Variants in NRXN1 observed in about 807,000 individuals in gnomAD.
NRXN1 encodes the protein neurexin 1.
Under a neutral mutation model 150.9 loss-of-function variants are expected in NRXN1, and 39 were observed. The ratio of observed to expected loss-of-function variants is 0.26; its 90% CI spans 0.20 to 0.34. The LOEUF is 0.34. NRXN1 is among the 10% of genes least tolerant of loss of function. The probability of loss-of-function intolerance (pLI) is 1.00; values close to 1 mark genes in which losing one functional copy is unlikely to be tolerated. For missense variants in NRXN1, 1,815 were observed against 1,949.9 expected, an observed-to-expected ratio of 0.93 and a Z score of 1.30; for synonymous variants, 924 against 757.0, an observed-to-expected ratio of 1.22 and a Z score of -3.62.
chr2:50,704,613 C>A (rs1286836035), intron 5 of NRXN1, among the ~76,000 whole-genome samples: 1 of 149,840 alleles, frequency 6.7e-6, no homozygotes, highest in East Asian at 2.0e-4. Context: ...CATTGTTAGT[C>A]TTCAGGATTT....
intron 17 of NRXN1, among the ~76,000 whole-genome samples, chr2:50,360,278 A>T (rs2079095290): frequency 6.6e-6 from 1 of 152,234 alleles, no homozygotes; most frequent in South Asian, 2.1e-4. Flanking sequence ...CCTTAAATGT[A>T]AATGGGCCAA....
intron 18 of NRXN1, among the ~76,000 whole-genome samples, chr2:50,222,410 T>C (rs754932715): frequency 2.0e-5 from 3 of 152,004 alleles, no homozygotes; most frequent in Non-Finnish European, 4.4e-5. Context: ...CAATTTGCTT[T>C]TATATGAAAA....
chr2:50,222,263 A>G (rs892201527), intron 18 of NRXN1, among the ~76,000 whole-genome samples: 107 of 152,004 alleles, frequency 7.0e-4, no homozygotes, highest in African/African-American at 2.5e-3. Context: ...AATAGGGGAA[A>G]GTTTGTGACT....
intron 17 of NRXN1, among the ~76,000 whole-genome samples, chr2:50,354,888 T>C (rs183458899): frequency 2.0e-5 from 3 of 152,092 alleles, no homozygotes; most frequent in African/African-American, 7.2e-5. Flanking sequence ...CTGTCTGTCA[T>C]ACACATCTAC....
At chr2:49,938,840 C>G (rs1022670902) in intron 22 of NRXN1, among the ~76,000 whole-genome samples, 4 of 152,106 alleles carry the variant, frequency 2.6e-5, no homozygotes, top group African/African-American at 7.2e-5. Flanking sequence ...CAACATAAAA[C>G]TCACCTTTTT....
rs561370831 is a variant in NRXN1 at position 50,496,442 on chromosome 2, G to A, written c.2880-347C>T. The stretch of plus-strand genomic sequence containing the variant: ...AACACTTAAAATGGCCATTCTTCTC[G>A]TTCTTGCACTTGCTTTTCTCCTCTA... On this transcript the variant is annotated intron_variant, in intron 14 of 22. Transcript: ENST00000401669. 1.2e-3 allele frequency among the ~76,000 whole-genome samples: 180 copies of A among 152,110 alleles called. 1 individual carries two copies. Among genetic ancestry groups the A allele is most frequent in the Middle Eastern group, 6.8e-3 (2 of 294 alleles).
intron 17 of NRXN1, among the ~76,000 whole-genome samples, chr2:50,266,096 T>C (rs1052312237): frequency 9.3e-5 from 14 of 150,106 alleles, no homozygotes; most frequent in African/African-American, 3.4e-4. Flanking sequence ...CCTCCTGGGT[T>C]CAACCGACTC....
chr2:50,414,021 C>A (rs562316211), intron 17 of NRXN1, among the ~76,000 whole-genome samples: 6 of 122,828 alleles, frequency 4.9e-5, no homozygotes, highest in African/African-American at 2.0e-4. Context: ...AGAATGGTTA[C>A]CAGAGGCTGG....
At chr2:49,986,083 T>C (rs1680854143) in intron 21 of NRXN1, among the ~76,000 whole-genome samples, 1 of 152,196 alleles carries the variant, frequency 6.6e-6, no homozygotes, top group Non-Finnish European at 1.5e-5. Flanking sequence ...CCTAAAAGAA[T>C]GTTAACTTAA....
intron 5 of NRXN1, among the ~76,000 whole-genome samples, chr2:50,633,435 G>A (rs746385439): frequency 9.2e-5 from 14 of 152,022 alleles, no homozygotes; most frequent in Non-Finnish European, 2.1e-4. Context: ...AATCATGCTG[G>A]ATGGGAAGAA....
At chr2:50,012,421 T>C (rs561228153) in intron 21 of NRXN1, among the ~76,000 whole-genome samples, 3 of 152,236 alleles carry the variant, frequency 2.0e-5, no homozygotes, top group South Asian at 4.1e-4. Flanking sequence ...TCATACAAAA[T>C]ATTAGTCATG....
intron 18 of NRXN1, among the ~76,000 whole-genome samples, chr2:50,180,191 TA>T (rs546943097): frequency 2.3e-4 from 34 of 148,870 alleles, no homozygotes; most frequent in East Asian, 6.0e-4. Context: ...CTGGCTAATT[TA>T]AAAAAAAAAA....
intron 17 of NRXN1, among the ~76,000 whole-genome samples, chr2:50,292,938 A>T (rs1428263357): frequency 6.6e-6 from 1 of 152,196 alleles, no homozygotes; most frequent in African/African-American, 2.4e-5. Context: ...ATAGATGGCG[A>T]CCTCAATAAA....
intron 17 of NRXN1, among the ~76,000 whole-genome samples, chr2:50,375,826 T>C (rs1400149229): frequency 3.3e-5 from 5 of 151,852 alleles, no homozygotes; most frequent in African/African-American, 1.2e-4. Context: ...GAAAGGTTGA[T>C]CTAAGGGTAC....
At chr2:50,978,301 T>TATATATATATATATATAA (rs1696233419) in intron 2 of NRXN1, among the ~76,000 whole-genome samples, 2 of 122,510 alleles carry the variant, frequency 1.6e-5, no homozygotes, top group African/African-American at 2.9e-5. Context: ...TATATATATA[T>TATATATATATATATATAA]ATATAAAATA....
intron 5 of NRXN1, among the ~76,000 whole-genome samples, chr2:50,724,757 C>T (rs541719950): frequency 6.6e-6 from 1 of 152,170 alleles, no homozygotes; most frequent in South Asian, 2.1e-4. Context: ...AAAAAGAATA[C>T]ATATGTGTGT....
chr2:50,663,900 T>A (rs972051137), intron 5 of NRXN1, among the ~76,000 whole-genome samples: 1 of 152,062 alleles, frequency 6.6e-6, no homozygotes, highest in South Asian at 2.1e-4. Context: ...TGAAAATACC[T>A]AGAACCTATT....
intron 21 of NRXN1, among the ~76,000 whole-genome samples, chr2:50,038,066 A>T (rs1690318600): frequency 6.6e-6 from 1 of 152,230 alleles, no homozygotes; most frequent in Non-Finnish European, 1.5e-5. Context: ...AGAAAAAGGA[A>T]CAGCTTAGAA....
Position 49,973,476 on chromosome 2 carries a change from T to C in NRXN1, c.4129-29685A>G, listed in dbSNP as rs1385470951. 2.6e-5 allele frequency among the ~76,000 whole-genome samples: 4 copies of C among 152,294 alleles called. No homozygotes were observed. In the East Asian group the frequency reaches 5.8e-4, roughly 22 times the overall value. ...AAAATCCCACTCTGCCACAAAAGCA[T>C]GCATGGTCAGAATCTAAGCATATTT... On this transcript the variant is annotated intron_variant, in intron 21 of 22. Transcript: ENST00000401669.
Sources: allele counts gnomAD v4.1 joint callset (sites outside exome capture counted in the v4.1 genomes callset), GRCh38; gene constraint gnomAD v4.1.1; transcripts MANE v1.5; gene names NCBI Gene and HGNC (gene_info 2026-07-23, HGNC 2026-07-21).